The following KMT2C variants were observed in gnomAD, a reference collection of about 807,000 sequenced individuals.
KMT2C encodes lysine methyltransferase 2C.
A neutral mutation model predicts 507.9 loss-of-function variants in KMT2C; 88 were observed. The observed-to-expected ratio is 0.17, with a 90% confidence interval of 0.15 to 0.21. The LOEUF (loss-of-function observed/expected upper bound fraction) is 0.21. KMT2C is among the 10% of genes least tolerant of loss of function. The probability of loss-of-function intolerance (pLI) is 1.00; values close to 1 mark genes in which losing one functional copy is unlikely to be tolerated. For synonymous variants in KMT2C, 2,049 were observed against 2,080.8 expected (o/e 0.98, Z 0.42); for missense variants, 4,954 against 5,957.8 (o/e 0.83, Z 5.55).
At chr7:152,164,134 A>G (rs1408299331) in intron 42 of KMT2C, among the ~76,000 whole-genome samples, 1 of 152,202 alleles carries the variant, frequency 6.6e-6, no homozygotes, top group Non-Finnish European at 1.5e-5. Context: ...TACTATTTAT[A>G]CTATACATAA....
chr7:152,205,015 TAAC>T (rs1380163043), intron 25 of KMT2C, 88 bp downstream of exon 25: 1 of 761,128 alleles, frequency 1.3e-6, no homozygotes, highest in African/African-American at 1.8e-5. Flanking sequence ...TTATTGACTG[TAAC>T]ATTATTTAGG....
At chr7:152,386,752 A>G (rs942916548) in intron 1 of KMT2C, among the ~76,000 whole-genome samples, 1 of 148,926 alleles carries the variant, frequency 6.7e-6, no homozygotes, top group African/African-American at 2.5e-5. Context: ...GTAAGACTGT[A>G]TTTTTTATGG....
At chr7:152,371,252 AC>A (rs2097291210) in intron 1 of KMT2C, among the ~76,000 whole-genome samples, 1 of 152,218 alleles carries the variant, frequency 6.6e-6, no homozygotes, top group African/African-American at 2.4e-5. Context: ...AATCAATAAT[AC>A]AAAATGTGAA....
chr7:152,314,256 A>G (rs1050692611), intron 4 of KMT2C, among the ~76,000 whole-genome samples: 3 of 152,136 alleles, frequency 2.0e-5, no homozygotes, highest in African/African-American at 7.2e-5. Flanking sequence ...CAACACAACA[A>G]TGATTTAGTA....
At position 152,252,733 on chromosome 7, in the gene KMT2C, T is replaced by TA; in HGVS notation, c.1300-19dup. The TA allele has an allele frequency of 6.4e-7, 1 of 1,564,862 alleles. No individual in the cohort carries two copies. Among genetic ancestry groups the TA allele is most frequent in the Non-Finnish European group, 8.7e-7 (1 of 1,148,308 alleles). On this transcript the variant is annotated intron_variant, in intron 9 of 58. Transcript: ENST00000262189. ...CTGCAATTCTAAACACCAGGAAAAA[T>TA]AAAAACAAAAACAGTTTGTTATGCA...
intron 6 of KMT2C, among the ~76,000 whole-genome samples, chr7:152,288,249 A>G (rs1020592721): frequency 1.0e-3 from 149 of 146,436 alleles, no homozygotes; most frequent in African/African-American, 3.5e-3. Context: ...AAAAAAAAAA[A>G]GTGGCCAGGT....
Position 152,385,429 on chromosome 7 carries a change from G to A in KMT2C, c.162-26754C>T, listed in dbSNP as rs555737051. Among the ~76,000 whole-genome samples, 50 of 133,330 alleles carry A rather than the reference G, an allele frequency of 3.8e-4. 6 individuals are homozygous for A. The South Asian group carries it at 0.011, about 28-fold the overall frequency. The allele number at this position is 133,330 out of a possible 152,430, so 87.5% of individuals were successfully genotyped here. Reference sequence around the variant, plus strand: ...AGATCGAGACCATCCCGGCTAAAACGGTGAAACCCCGTCTCTACTAAAAAT... The same window carrying A: ...AGATCGAGACCATCCCGGCTAAAACAGTGAAACCCCGTCTCTACTAAAAAT... On this transcript the variant is annotated intron_variant, in intron 1 of 58. Transcript: ENST00000262189.
intron 55 of KMT2C, among the ~76,000 whole-genome samples, chr7:152,140,174 TAATA>T (rs1254838356): frequency 6.6e-6 from 1 of 152,174 alleles, no homozygotes; most frequent in Non-Finnish European, 1.5e-5. Context: ...AAAAAAGACA[TAATA>T]AATTCAATAA....
chr7:152,282,438 A>C (rs1450144435), intron 6 of KMT2C, among the ~76,000 whole-genome samples: 1 of 152,282 alleles, frequency 6.6e-6, no homozygotes, highest in African/African-American at 2.4e-5. Context: ...GAAAGTCCTC[A>C]AAATGCCCAA....
At chr7:152,188,605 CTT>C (rs1217052972) in intron 31 of KMT2C, among the ~76,000 whole-genome samples, 1 of 96,754 alleles carries the variant, frequency 1.0e-5, no homozygotes, top group Non-Finnish European at 1.9e-5. Context: ...TGATTCTTTC[CTT>C]TTTTTTTTTT....
intron 14 of KMT2C, among the ~76,000 whole-genome samples, chr7:152,245,220 A>T (rs2095450925): frequency 6.6e-6 from 1 of 152,236 alleles, no homozygotes; most frequent in African/African-American, 2.4e-5. Flanking sequence ...GCACAGCCAC[A>T]GTCTTAGTTT....
At chr7:152,329,162 T>C (rs2096857462) in intron 3 of KMT2C, among the ~76,000 whole-genome samples, 2 of 152,116 alleles carry the variant, frequency 1.3e-5, no homozygotes, top group African/African-American at 4.8e-5. Context: ...TCTGAGGACT[T>C]ATCCTTAAGA....
intron 9 of KMT2C, among the ~76,000 whole-genome samples, chr7:152,255,157 A>ATATATATGTGTGTGTGTG (rs767823858): frequency 7.8e-6 from 1 of 128,376 alleles, no homozygotes; most frequent in African/African-American, 3.0e-5. Flanking sequence ...ATATATATAT[A>ATATATATGTGTGTGTGTG]TGTGTGTGTG....
chr7:152,391,539 C>T (rs62495517), intron 1 of KMT2C, among the ~76,000 whole-genome samples: 6,245 of 78,582 alleles, frequency 0.079, no homozygotes, highest in Non-Finnish European at 0.11. Context: ...ACTGCATGCC[C>T]GGCCTTTTTT....
At chr7:152,337,822 T>C (rs1420017240) in intron 2 of KMT2C, among the ~76,000 whole-genome samples, 1 of 151,788 alleles carries the variant, frequency 6.6e-6, no homozygotes, top group Non-Finnish European at 1.5e-5. Context: ...CTATAGTCTA[T>C]GGATTCACTT....
At chr7:152,251,855 C>A in intron 11 of KMT2C, 84 bp downstream of exon 11, 2 of 897,362 alleles carry the variant, frequency 2.2e-6, no homozygotes. Context: ...ATCCTCTCTT[C>A]CTGATTAAAG....
Position 152,151,472 on chromosome 7 carries a change from T to C in KMT2C, c.12636A>G (p.Lys4212=), listed in dbSNP as rs1465845101. 1 of 1,614,160 alleles carries C rather than the reference T, an allele frequency of 6.2e-7. No homozygotes were observed. Among genetic ancestry groups the C allele is most frequent in the Non-Finnish European group, 8.5e-7 (1 of 1,179,992 alleles). ...TCAAAAGGGTCAGATCTTTGAAAGA[T>C]TTCCGCACACCACTTCCAAGAATAA... ...KVVILGSGVR[K]SFKDLTLLNK... Residue 4212 remains lysine (K), a synonymous_variant, in exon 50 of 59, where the codon AAA becomes AAG. Coordinates refer to ENST00000262189, the MANE Select transcript of KMT2C (RefSeq NM_170606.3).
At chr7:152,244,022 G>C (rs1476283876) in intron 14 of KMT2C, among the ~76,000 whole-genome samples, 2 of 152,142 alleles carry the variant, frequency 1.3e-5, no homozygotes, top group African/African-American at 4.8e-5. Context: ...TTCCTAATTA[G>C]AATGGGAATA....
At position 152,243,611 on chromosome 7, in the gene KMT2C, G is replaced by A. The variant is rs1264258727; in HGVS notation, c.2532+4291C>T. On this transcript the variant is annotated intron_variant, in intron 14 of 58. Coordinates refer to ENST00000262189, the MANE Select transcript of KMT2C (RefSeq NM_170606.3). ...AGCCTAACCAATATGGCGAAACACC[G>A]TCTCTACTAAAAATATTTAAAAAAT... is the stretch of plus-strand genomic sequence containing the variant. Among the ~76,000 whole-genome samples, 8 of 152,028 alleles carry A rather than the reference G, an allele frequency of 5.3e-5. No individual in the cohort carries two copies. The East Asian group carries it at 1.2e-3, about 22-fold the overall frequency.
Sources: allele counts gnomAD v4.1 joint callset (sites outside exome capture counted in the v4.1 genomes callset), GRCh38; gene constraint gnomAD v4.1.1; transcripts MANE v1.5; gene names NCBI Gene and HGNC (gene_info 2026-07-23, HGNC 2026-07-21).